The following KIAA0232 variants were observed in gnomAD, a reference collection of about 807,000 sequenced individuals.
The protein encoded by KIAA0232 is KIAA0232.
Under a neutral mutation model 122.0 loss-of-function variants are expected in KIAA0232, and 27 were observed. The ratio of observed to expected loss-of-function variants is 0.22; its 90% CI spans 0.16 to 0.31. KIAA0232 has a LOEUF of 0.31. Ranked by LOEUF, KIAA0232 falls within the 10% of genes least tolerant of loss-of-function variation. The pLI is 1.00. For synonymous variants in KIAA0232, 613 were observed against 587.6 expected (o/e 1.04, Z -0.63); for missense variants, 1,551 against 1,634.2 (o/e 0.95, Z 0.88).
chr4:6,869,538 A>G (rs187357871), intron 7 of KIAA0232, among the ~76,000 whole-genome samples: 5 of 152,338 alleles, frequency 3.3e-5, no homozygotes, highest in Non-Finnish European at 5.9e-5. Context: ...TGTTTGCGGG[A>G]AGCCCAGCCC....
chr4:6,783,133 G>T (rs1437831652), intron 1 of KIAA0232, among the ~76,000 whole-genome samples: 1 of 151,290 alleles, frequency 6.6e-6, no homozygotes, highest in Non-Finnish European at 1.5e-5. Context: ...CCGGGCCGCC[G>T]CTGATGGCTC....
At chr4:6,853,035 C>T (rs562500378) in intron 4 of KIAA0232, among the ~76,000 whole-genome samples, 52 of 152,306 alleles carry the variant, frequency 3.4e-4, no homozygotes, top group African/African-American at 1.2e-3. Flanking sequence ...ATTAAGTAGA[C>T]AGCTTCTGGA....
intron 9 of KIAA0232, among the ~76,000 whole-genome samples, chr4:6,877,374 G>A (rs779241469): frequency 2.3e-4 from 35 of 152,158 alleles, no homozygotes; most frequent in Middle Eastern, 3.2e-3. Flanking sequence ...GACCTTCCCC[G>A]GTTAAGAGGC....
At chr4:6,819,847 A>G (rs898286363) in intron 2 of KIAA0232, among the ~76,000 whole-genome samples, 1 of 152,198 alleles carries the variant, frequency 6.6e-6, no homozygotes, top group Non-Finnish European at 1.5e-5. Context: ...GAATCAACCT[A>G]GGTGCCCATC....
At chr4:6,810,561 A>C (rs1370993437) in intron 2 of KIAA0232, among the ~76,000 whole-genome samples, 1 of 152,242 alleles carries the variant, frequency 6.6e-6, no homozygotes, top group East Asian at 1.9e-4. Context: ...CAGGCAACTA[A>C]AACAGAAATA....
In KIAA0232 at chr4:6,842,069, G is replaced by T; in HGVS notation, c.234G>T (p.Glu78Asp). 4 of 1,613,428 alleles carry T rather than the reference G, an allele frequency of 2.5e-6. No individual in the cohort carries two copies. Among genetic ancestry groups the T allele is most frequent in the Non-Finnish European group, 3.4e-6 (4 of 1,179,804 alleles). ...AACCTGGTGCAATTTCATTGCAGGA[G>T]AATGACATCTTCCTGGGCTGGGAAA... Reference protein sequence around the residue: ...DSYDYDLQEQENDIFLGWEKG... With the variant: ...DSYDYDLQEQDNDIFLGWEKG... The change falls in exon 4 of 10, where the codon GAG (glutamate) becomes GAT (aspartate). Residue 78 changes from glutamate to aspartate, a missense_variant and splice_region_variant. Physicochemically the swap from Glu to Asp is conservative, Grantham distance 45. Coordinates refer to ENST00000307659, the MANE Select transcript of KIAA0232 (RefSeq NM_014743.3).
rs111583338 is a variant in KIAA0232 at position 6,798,281 on chromosome 4, G to A, written c.-353-6242G>A. 5.3e-3 allele frequency among the ~76,000 whole-genome samples: 810 copies of A among 152,268 alleles called. 2 individuals are homozygous for A. Among genetic ancestry groups the A allele is most frequent in the African/African-American group, 0.018 (761 of 41,550 alleles). ...TGCTTTTTCATGTTGTGAAAGCAGT[G>A]TTTGATGCTGAGTAGGTGCTCAGAT... On this transcript the variant is annotated intron_variant, in intron 1 of 9. Coordinates refer to ENST00000307659, the MANE Select transcript of KIAA0232 (RefSeq NM_014743.3).
At chr4:6,829,479 T>C (rs1718859521) in intron 3 of KIAA0232, among the ~76,000 whole-genome samples, 1 of 152,374 alleles carries the variant, frequency 6.6e-6, no homozygotes, top group African/African-American at 2.4e-5. Flanking sequence ...GACATTTTAC[T>C]ACAGTGCCTT....
Position 6,881,919 on chromosome 4 carries a change from G to A in KIAA0232, c.*953G>A, listed in dbSNP as rs993079993. Reference sequence around the variant, plus strand: ...TGGCTGCTGCAGCTAGCCGCTTCTTGGCTGTGATGTAGTATAGCTTCGATC... The same window carrying A: ...TGGCTGCTGCAGCTAGCCGCTTCTTAGCTGTGATGTAGTATAGCTTCGATC... On this transcript the variant is annotated 3_prime_UTR_variant, in exon 10 of 10. Transcript: ENST00000307659. The A allele has an allele frequency of 2.0e-5, 3 of 152,664 alleles. No individual in the cohort carries two copies. The highest frequency in any genetic ancestry group is 1.5e-5 in the Non-Finnish European group (1 of 68,046). The allele number at this position is 152,664 out of a possible 1,614,324, so 9.5% of individuals were successfully genotyped here.
At chr4:6,867,580 G>C (rs35315998) in intron 7 of KIAA0232, among the ~76,000 whole-genome samples, 1 of 152,174 alleles carries the variant, frequency 6.6e-6, no homozygotes, top group Non-Finnish European at 1.5e-5. Flanking sequence ...TAAGCAAAAG[G>C]CTTACTTGCT....
Position 6,861,394 on chromosome 4 carries a change from C to T in KIAA0232, c.1012C>T (p.His338Tyr). 6.2e-7 allele frequency: 1 copy of T among 1,614,098 alleles called. No individual in the cohort carries two copies. The highest frequency in any genetic ancestry group is 1.1e-5 in the South Asian group (1 of 91,082). The change falls in exon 7 of 10, where the codon CAC (histidine) becomes TAC (tyrosine). Residue 338 changes from histidine to tyrosine, a missense_variant. Physicochemically the swap from His to Tyr is moderately conservative, Grantham distance 83. Around this residue, in one of 5 missense-constraint regions of KIAA0232, gnomAD observed 377 missense variants for 381.7 expected, o/e 0.99. Transcript: ENST00000307659. ...TGGGCAAAGCAGGCTTTCTTTGAAG[C>T]ACGGTGAAAAGGCTGAAAGGAACAT... ...RNGQSRLSLKHGEKAERNIHT... is the reference protein window; with the variant it reads ...RNGQSRLSLKYGEKAERNIHT...
chr4:6,802,932 A>G (rs1427320683), intron 1 of KIAA0232, among the ~76,000 whole-genome samples: 1 of 149,760 alleles, frequency 6.7e-6, no homozygotes, highest in African/African-American at 2.5e-5. Flanking sequence ...CTGAGATGGA[A>G]GGATCACTTG....
chr4:6,815,996 A>T (rs1017472037), intron 2 of KIAA0232, among the ~76,000 whole-genome samples: 1 of 152,218 alleles, frequency 6.6e-6, no homozygotes, highest in Non-Finnish European at 1.5e-5. Context: ...TTGGCTTGAG[A>T]TCACATTTTA....
chr4:6,837,698 G>A (rs1231713722), intron 3 of KIAA0232, among the ~76,000 whole-genome samples: 2 of 152,206 alleles, frequency 1.3e-5, no homozygotes, highest in East Asian at 1.9e-4. Flanking sequence ...GATCACTCGC[G>A]GTCAGAAGCT....
rs1358288525 is a variant in KIAA0232 at position 6,863,798 on chromosome 4, C to T, written c.3416C>T (p.Ser1139Phe). 1 of 1,614,180 alleles carries T rather than the reference C, an allele frequency of 6.2e-7. No individual in the cohort carries two copies. Among genetic ancestry groups the T allele is most frequent in the Non-Finnish European group, 8.5e-7 (1 of 1,180,042 alleles). Reference sequence around the variant, plus strand: ...GATGAAGCAAATATTCCCATTCCTTCTCAAGTTGATATATTTGAAGATCCG... The same window carrying T: ...GATGAAGCAAATATTCCCATTCCTTTTCAAGTTGATATATTTGAAGATCCG... ...EKDEANIPIP[S>F]QVDIFEDPQA... Residue 1139 changes from serine (S) to phenylalanine (F), a missense_variant, in exon 7 of 10, where the codon TCT (serine) becomes TTT (phenylalanine). Physicochemically the swap from Ser to Phe is radical, Grantham distance 155. Around this residue, in one of 5 missense-constraint regions of KIAA0232, gnomAD observed 1,108 missense variants for 1,154.8 expected, o/e 0.96. Transcript: ENST00000307659.
intron 1 of KIAA0232, among the ~76,000 whole-genome samples, chr4:6,789,527 C>T (rs1240318542): frequency 6.6e-6 from 1 of 152,136 alleles, no homozygotes; most frequent in African/African-American, 2.4e-5. Flanking sequence ...CTGCCTCGGC[C>T]TCCCAAAGTG....
In KIAA0232 at chr4:6,875,188, A is replaced by G. The variant is rs1230825519; in HGVS notation, c.3911-1472A>G. On this transcript the variant is annotated intron_variant, in intron 8 of 9. Coordinates refer to ENST00000307659, the MANE Select transcript of KIAA0232 (RefSeq NM_014743.3). ...CTAGGGCAACCACGCCTCCAAGCCT[A>G]TGGCTTTGATAAGCAGCGGTCATGG... 2.0e-5 allele frequency among the ~76,000 whole-genome samples: 3 copies of G among 152,360 alleles called. No homozygotes were observed. The East Asian group carries it at 5.8e-4, about 29-fold the overall frequency.
At chr4:6,788,207 G>A (rs981338291) in intron 1 of KIAA0232, among the ~76,000 whole-genome samples, 1 of 151,964 alleles carries the variant, frequency 6.6e-6, no homozygotes, top group Non-Finnish European at 1.5e-5. Context: ...TTGTAGAGAT[G>A]GGGTTTTGCT....
chr4:6,850,939 A>G (rs999517972), intron 4 of KIAA0232, among the ~76,000 whole-genome samples: 2 of 152,194 alleles, frequency 1.3e-5, no homozygotes, highest in Non-Finnish European at 2.9e-5. Flanking sequence ...AAGTGCTGAG[A>G]TTACAGGCGT....
Sources: gnomAD v4.1 joint callset for allele counts (sites outside exome capture counted in the v4.1 genomes callset) on GRCh38, gnomAD v4.1.1 for gene constraint, gnomAD v4.1.1 regional missense constraint, MANE v1.5 for transcripts, NCBI Gene and HGNC (gene_info 2026-07-23, HGNC 2026-07-21) for gene names.